The following CSPG4 variants were observed in gnomAD, a reference collection of about 807,000 sequenced individuals.
CSPG4 encodes the protein chondroitin sulfate proteoglycan 4 (melanoma-associated).
CSPG4 carries 74 observed loss-of-function variants against 139.3 expected under a neutral mutation model. The observed-to-expected ratio is 0.53, with a 90% CI of 0.44 to 0.64. The LOEUF (loss-of-function observed/expected upper bound fraction) is 0.64. Among genes scored for constraint, CSPG4 ranks in the 30% least tolerant of loss-of-function variants. The pLI is 0.00. For synonymous variants in CSPG4, 1,234 were observed against 1,394.2 expected (o/e 0.89, Z 2.56); for missense variants, 2,565 against 3,148.3 (o/e 0.81, Z 4.43).
At position 75,674,771 on chromosome 15, in the gene CSPG4, T is replaced by C. The variant is rs144969865; in HGVS notation, c.*779A>G. ...CCAGCCTAACCTGCTCCAAAGCCACTGACACATGCATGTTTAGCCCTTGGC... is the reference window on the plus strand; with the variant it reads ...CCAGCCTAACCTGCTCCAAAGCCACCGACACATGCATGTTTAGCCCTTGGC... On this transcript the variant is annotated 3_prime_UTR_variant, in exon 10 of 10. Coordinates refer to ENST00000308508, the MANE Select transcript of CSPG4 (RefSeq NM_001897.5). 1,860 of 398,640 alleles carry C rather than the reference T, an allele frequency of 4.7e-3. 32 individuals carry two copies. The highest frequency in any genetic ancestry group is 0.035 in the African/African-American group (1,703 of 48,694). The allele number at this position is 398,640 out of a possible 1,614,324, so 24.7% of individuals were successfully genotyped here. A position where few individuals can be genotyped will look rare whatever the true frequency, so the allele number is the denominator to read the frequency against.
In CSPG4 at chr15:75,675,315, T is replaced by C; in HGVS notation, c.*235A>G. 2.5e-6 allele frequency: 1 copy of C among 406,398 alleles called. No homozygotes were observed. Among genetic ancestry groups the C allele is most frequent in the Non-Finnish European group, 4.2e-6 (1 of 237,254 alleles). The allele number at this position is 406,398 out of a possible 1,614,324, so 25.2% of individuals were successfully genotyped here. A position where few individuals can be genotyped will look rare whatever the true frequency, so the allele number is the denominator to read the frequency against. ...CAGGAGGACTGAACTTAAGCCTGCC[T>C]CCACCTTGGCCCCTGCAGTTCTCCA... On this transcript the variant is annotated 3_prime_UTR_variant, in exon 10 of 10. Transcript: ENST00000308508.
chr15:75,687,672 G>A lies in CSPG4; in HGVS notation c.3393C>T (p.Asn1131=), dbSNP rs772909530. ...QASEPYLRVA[N]GSSLVVPQGG... ...CTTGAGGGACCACAAGGCTGGAGCCGTTGGCCACACGGAGGTAGGGTTCCG... is the reference window on the plus strand; with the variant it reads ...CTTGAGGGACCACAAGGCTGGAGCCATTGGCCACACGGAGGTAGGGTTCCG... Residue 1131 remains asparagine (N), a synonymous_variant, in exon 3 of 10, where the codon AAC becomes AAT. Transcript: ENST00000308508. The surrounding 1 kb of genome is among the most constrained non-coding windows in gnomAD (Gnocchi z 5.4). The A allele has an allele frequency of 1.6e-5, 26 of 1,612,824 alleles. No individual in the cohort carries two copies. Among genetic ancestry groups the A allele is most frequent in the Admixed American group, 3.3e-5 (2 of 60,004 alleles).
intron 1 of CSPG4, 99 bp downstream of exon 1, chr15:75,712,569 A>T: frequency 2.5e-6 from 3 of 1,209,406 alleles, no homozygotes; most frequent in Non-Finnish European, 3.6e-6. Context: ...TTGACTCCCG[A>T]TCTGGGGGCC....
At chr15:75,703,535 G>C (rs558455151) in intron 1 of CSPG4, among the ~76,000 whole-genome samples, 1 of 152,070 alleles carries the variant, frequency 6.6e-6, no homozygotes, top group Non-Finnish European at 1.5e-5. Context: ...CTCCGTTCCC[G>C]GCAGTCTCCA....
intron 9 of CSPG4, 130 bp from the exon 10 acceptor site, chr15:75,677,514 T>G: frequency 8.2e-7 from 1 of 1,224,406 alleles, no homozygotes; most frequent in Non-Finnish European, 1.1e-6. Context: ...AGGGTGGGGC[T>G]CAGGGTTCCC....
rs200111806 is a variant in CSPG4 at position 75,687,258 on chromosome 15, C to T, written c.3789+18G>A. ...TCTACCTGGCCCACACCCCTGCTCA[C>T]CACCTCCAACTCCTCACCTCCAGCT... On this transcript the variant is annotated intron_variant, in intron 3 of 9. Transcript: ENST00000308508. This position sits in a 1 kb window ranked among gnomAD's most constrained non-coding sequence, Gnocchi z 5.4. The T allele has an allele frequency of 1.0e-3, 1,647 of 1,609,268 alleles. 3 individuals carry two copies. Among genetic ancestry groups the T allele is most frequent in the Non-Finnish European group, 1.1e-3 (1,275 of 1,179,808 alleles).
rs1893868541 is a variant in CSPG4, at chr15:75,674,965, T to A, written c.*585A>T. ...CAACCTACCCACCCTGCACCCTGAA[T>A]ATATTATCCTATTGGCTTATGCCTT... On this transcript the variant is annotated 3_prime_UTR_variant, in exon 10 of 10. Coordinates refer to ENST00000308508, the MANE Select transcript of CSPG4 (RefSeq NM_001897.5). The A allele has an allele frequency of 2.5e-6, 1 of 396,414 alleles. No homozygotes were observed. 24.6% of individuals were successfully genotyped at this position (396,414 alleles called of 1,614,324 possible). A position where few individuals can be genotyped will look rare whatever the true frequency, so the allele number is the denominator to read the frequency against.
rs1393206786 is a variant in CSPG4 at position 75,708,020 on chromosome 15, G to A, written c.88+4648C>T. Among the ~76,000 whole-genome samples the A allele has an allele frequency of 8.0e-5, 12 of 150,654 alleles. No homozygotes were observed. The South Asian group carries it at 2.5e-3, about 32-fold the overall frequency. On this transcript the variant is annotated intron_variant, in intron 1 of 9. Transcript: ENST00000308508. The stretch of plus-strand genomic sequence containing the variant: ...TCACTGTGTGACTCTGAACAAGCAG[G>A]CTCCTCTGTCTGAGCCCGGGTTTCC...
rs759626664 is a variant in CSPG4, at chr15:75,676,286, C to T, written c.6233G>A (p.Gly2078Asp). 5.6e-6 allele frequency: 9 copies of T among 1,594,408 alleles called. No homozygotes were observed. Among genetic ancestry groups the T allele is most frequent in the Admixed American group, 5.2e-5 (3 of 57,182 alleles). ...CAGGAGGCGGAAGCGCGGCACACTG[C>T]CTGTGCGGTTGGCCAGCTCGCCAGC... Reference protein sequence around the residue: ...LDAGELANRTGSVPRFRLLEG... With the variant: ...LDAGELANRTDSVPRFRLLEG... The change falls in exon 10 of 10, where the codon GGC becomes GAC. Residue 2078 changes from glycine to aspartate, a missense_variant. By Grantham distance (94) the Gly-to-Asp change is moderately conservative. This residue lies in a region of CSPG4 where 2,316 missense variants were observed against 2,818.2 expected (regional missense o/e 0.82). Transcript: ENST00000308508.
chr15:75,705,992 C>G (rs138285793), intron 1 of CSPG4, among the ~76,000 whole-genome samples: 1 of 152,032 alleles, frequency 6.6e-6, no homozygotes, highest in Admixed American at 6.5e-5. Flanking sequence ...TGCCTGTGTG[C>G]GTATGTCTGT....
intron 8 of CSPG4, among the ~76,000 whole-genome samples, chr15:75,678,236 C>A (rs1893921658): frequency 6.6e-6 from 1 of 152,242 alleles, no homozygotes; most frequent in South Asian, 2.1e-4. Flanking sequence ...GAAGACACCA[C>A]TTCTACTGTC....
rs547678209 is a variant in CSPG4, at chr15:75,690,103, C to T, written c.962G>A (p.Ser321Asn). The change falls in exon 3 of 10, where the codon AGT becomes AAT. Residue 321 changes from serine (S) to asparagine (N), a missense_variant. This residue lies in a region of CSPG4 where 2,316 missense variants were observed against 2,818.2 expected (regional missense o/e 0.82). Transcript: ENST00000308508. Reference sequence around the variant, plus strand: ...TGCATCCAGCCCCCCGAGAAGGAGACTGCCCCGTGGCTCCAGGTAGCTGAG... The same window carrying T: ...TGCATCCAGCCCCCCGAGAAGGAGATTGCCCCGTGGCTCCAGGTAGCTGAG... ...GVLSYLEPRG[S>N]LLLGGLDAEA... is the part of the protein sequence containing the mutation. 1.9e-6 allele frequency: 3 copies of T among 1,612,690 alleles called. No individual in the cohort carries two copies. Among genetic ancestry groups the T allele is most frequent in the Non-Finnish European group, 2.5e-6 (3 of 1,179,830 alleles).
chr15:75,703,728 G>T (rs144067539), intron 1 of CSPG4, among the ~76,000 whole-genome samples: 6,058 of 135,770 alleles, frequency 0.045, 205 homozygotes, highest in Non-Finnish European at 0.062. Flanking sequence ...CTAAGGCTAT[G>T]GCCTGGACTC....
chr15:75,677,501 T>C, intron 9 of CSPG4, 117 bp from the exon 10 acceptor site: 1 of 1,258,918 alleles, frequency 7.9e-7, no homozygotes, highest in Non-Finnish European at 1.1e-6. Context: ...AGCCAGGTCC[T>C]CCAGGGTGGG....
In CSPG4 at chr15:75,703,655, A is replaced by AG. The variant is rs144054299; in HGVS notation, c.88+9012dup. Among the ~76,000 whole-genome samples, 1,352 of 149,704 alleles carry AG rather than the reference A, an allele frequency of 9.0e-3. 19 individuals carry two copies. Among genetic ancestry groups the AG allele is most frequent in the African/African-American group, 0.031 (1,261 of 40,316 alleles). On this transcript the variant is annotated intron_variant, in intron 1 of 9. Transcript: ENST00000308508. ...TGTCTTGGGCACGGCCGGGACCTTG[A>AG]GGGACAGGTCTGGTCTCTGGCTTGT...
rs781628871 is a variant in CSPG4 at position 75,688,671 on chromosome 15, C to A, written c.2394G>T (p.Gln798His). The stretch of plus-strand genomic sequence containing the variant: ...GGTGGGCTGTGGTGAGGGTCTCCTG[C>A]TGGGTGTTCTGAGTGTGCAGTGGCT... ...RLEPLHTQNT[Q>H]QETLTTAHLE... is the part of the protein sequence containing the mutation. Residue 798 changes from glutamine to histidine, a missense_variant, in exon 3 of 10, where the codon CAG (glutamine) becomes CAT (histidine). This residue lies in a region of CSPG4 where 2,316 missense variants were observed against 2,818.2 expected (regional missense o/e 0.82). Coordinates refer to ENST00000308508, the MANE Select transcript of CSPG4 (RefSeq NM_001897.5). 13 of 1,612,000 alleles carry A rather than the reference C, an allele frequency of 8.1e-6. No individual in the cohort carries two copies. In the East Asian group the frequency reaches 8.9e-5, roughly 11 times the overall value.
chr15:75,683,799 G>A (rs1403461682), intron 5 of CSPG4, among the ~76,000 whole-genome samples: 4 of 152,042 alleles, frequency 2.6e-5, no homozygotes, highest in Non-Finnish European at 5.9e-5. Flanking sequence ...TTCCTCCCCC[G>A]GCCCCAGGGA....
intron 1 of CSPG4, among the ~76,000 whole-genome samples, chr15:75,700,006 GCAC>G (rs1174957079): frequency 1.3e-5 from 2 of 152,146 alleles, no homozygotes; most frequent in Non-Finnish European, 2.9e-5. Context: ...CCCTCACTTG[GCAC>G]TGGGCCTGCA....
rs1246390816 is a variant in CSPG4 at position 75,689,488 on chromosome 15, G to A, written c.1577C>T (p.Ala526Val). 6.2e-7 allele frequency: 1 copy of A among 1,612,872 alleles called. No individual in the cohort carries two copies. Among genetic ancestry groups the A allele is most frequent in the Non-Finnish European group, 8.5e-7 (1 of 1,179,872 alleles). ...AAGGCATGAGGGCATGGGCACCCGAGCCGTCACCGACACCTCCAGCACCAG... is the reference window on the plus strand; with the variant it reads ...AAGGCATGAGGGCATGGGCACCCGAACCGTCACCGACACCTCCAGCACCAG... ...DQLVLEVSVTARVPMPSCLRR... is the reference protein window; with the variant it reads ...DQLVLEVSVTVRVPMPSCLRR... The change falls in exon 3 of 10, where the codon GCT becomes GTT. Residue 526 changes from alanine (A) to valine (V), a missense_variant. Physicochemically the swap from Ala to Val is moderately conservative, Grantham distance 64. Transcript: ENST00000308508.
Sources: allele counts gnomAD v4.1 joint callset (sites outside exome capture counted in the v4.1 genomes callset), GRCh38; gene constraint gnomAD v4.1.1; regional missense constraint gnomAD v4.1.1; non-coding constraint Gnocchi (gnomAD v3.1); transcripts MANE v1.5; gene names NCBI Gene and HGNC (gene_info 2026-07-23, HGNC 2026-07-21).